The following ITPKB variants were observed in gnomAD, a reference collection of about 807,000 sequenced individuals.
ITPKB encodes inositol-trisphosphate 3-kinase B.
A neutral mutation model predicts 69.4 loss-of-function variants in ITPKB; 13 were observed. That is an observed-to-expected ratio of 0.19 (90% CI 0.12 to 0.30). The LOEUF (loss-of-function observed/expected upper bound fraction) is 0.30. Ranked by LOEUF, ITPKB falls within the 10% of genes least tolerant of loss-of-function variation. The pLI is 1.00. For missense variants in ITPKB, 1,240 were observed against 1,250.5 expected, an observed-to-expected ratio of 0.99 and a Z score of 0.13; for synonymous variants, 584 against 513.7, an observed-to-expected ratio of 1.14 and a Z score of -1.85.
intron 2 of ITPKB, among the ~76,000 whole-genome samples, chr1:226,728,093 TCTC>T (rs1460839679): frequency 6.6e-6 from 1 of 152,140 alleles, no homozygotes; most frequent in Non-Finnish European, 1.5e-5. Context: ...AAAAAAAACA[TCTC>T]CTCCCACTCC....
In ITPKB at chr1:226,642,272, C is replaced by T; in HGVS notation, c.2247-147G>A. The stretch of plus-strand genomic sequence containing the variant: ...GTGCCCTGAGTCAAGGCACGTCTTT[C>T]CGAGGGGACGGCAGACTCTGTTCCA... On this transcript the variant is annotated intron_variant, in intron 4 of 7. Transcript: ENST00000429204. The surrounding 1 kb of genome is among the most constrained non-coding windows in gnomAD (Gnocchi z 6.4). The T allele has an allele frequency of 1.6e-6, 1 of 631,780 alleles. No individual in the cohort carries two copies. The highest frequency in any genetic ancestry group is 2.7e-6 in the Non-Finnish European group (1 of 365,288). 39.1% of individuals were successfully genotyped at this position (631,780 alleles called of 1,614,324 possible).
At chr1:226,717,413 T>C (rs191085055) in intron 2 of ITPKB, among the ~76,000 whole-genome samples, 168 of 152,238 alleles carry the variant, frequency 1.1e-3, no homozygotes, top group Non-Finnish European at 3.5e-4. Context: ...ACCTTCAGCA[T>C]GACTATGTTG....
Position 226,738,569 on chromosome 1 carries a change from C to G in ITPKB, c.-206+472G>C, listed in dbSNP as rs979084227. Among the ~76,000 whole-genome samples, 12 of 152,206 alleles carry G rather than the reference C, an allele frequency of 7.9e-5. No individual in the cohort carries two copies. The highest frequency in any genetic ancestry group is 2.9e-4 in the African/African-American group (12 of 41,456). On this transcript the variant is annotated intron_variant, in intron 1 of 7. Coordinates refer to ENST00000429204, the MANE Select transcript of ITPKB (RefSeq NM_002221.4). This position sits in a 1 kb window ranked among gnomAD's most constrained non-coding sequence, Gnocchi z 4.2. The stretch of plus-strand genomic sequence containing the variant: ...GGACGCGACTGCCCCTGCGGGCTCC[C>G]GGACCCGCGCCCACTCGGAGGAACT...
At chr1:226,650,478 T>C (rs1387982218) in intron 2 of ITPKB, among the ~76,000 whole-genome samples, 1 of 152,218 alleles carries the variant, frequency 6.6e-6, no homozygotes. Context: ...AGCGGAGGCA[T>C]TTCTTATCTA....
intron 2 of ITPKB, among the ~76,000 whole-genome samples, chr1:226,701,511 G>A (rs946100719): frequency 3.5e-4 from 52 of 146,992 alleles, no homozygotes; most frequent in African/African-American, 1.2e-3. Context: ...GGCTGAGGCA[G>A]GAGAATGGCA....
intron 2 of ITPKB, among the ~76,000 whole-genome samples, chr1:226,649,889 A>T (rs1669153205): frequency 6.6e-6 from 1 of 152,226 alleles, no homozygotes. Flanking sequence ...AATATCCTTA[A>T]GTGAACTTTA....
At chr1:226,718,565 A>G (rs1571873130) in intron 2 of ITPKB, among the ~76,000 whole-genome samples, 1 of 152,144 alleles carries the variant, frequency 6.6e-6, no homozygotes, top group Non-Finnish European at 1.5e-5. Context: ...TGCCCCCTGC[A>G]CCCCAACCCG....
intron 2 of ITPKB, among the ~76,000 whole-genome samples, chr1:226,711,408 AGAGAG>A (rs1656949919): frequency 2.0e-4 from 15 of 75,484 alleles, no homozygotes; most frequent in Non-Finnish European, 3.2e-4. Flanking sequence ...GTTTTGAAAG[AGAGAG>A]AGAGAGAGAG....
intron 2 of ITPKB, among the ~76,000 whole-genome samples, chr1:226,691,941 C>G (rs1405045166): frequency 6.6e-6 from 1 of 152,198 alleles, no homozygotes; most frequent in African/African-American, 2.4e-5. Context: ...GTCTGTAGCA[C>G]TCTTTTTCCT....
chr1:226,667,790 G>T (rs932283493), intron 2 of ITPKB, among the ~76,000 whole-genome samples: 1 of 151,932 alleles, frequency 6.6e-6, no homozygotes, highest in African/African-American at 2.4e-5. Context: ...CATGGAAAAG[G>T]TGACATTTAA....
At chr1:226,711,847 G>A (rs1176454396) in intron 2 of ITPKB, among the ~76,000 whole-genome samples, 2 of 152,158 alleles carry the variant, frequency 1.3e-5, no homozygotes, top group Non-Finnish European at 2.9e-5. Context: ...GGGAAGATGA[G>A]GGGCTTCCCT....
At chr1:226,679,223 A>G (rs1656008346) in intron 2 of ITPKB, among the ~76,000 whole-genome samples, 1 of 152,254 alleles carries the variant, frequency 6.6e-6, no homozygotes, top group Non-Finnish European at 1.5e-5. Flanking sequence ...AAAATGTACC[A>G]AAATTCCAAA....
In ITPKB at chr1:226,738,838, A is replaced by C. The variant is rs1273763314; in HGVS notation, c.-206+203T>G. ...AGCGGCCCGGAAGGCGGGTAGGAGA[A>C]ATGCGGAGACCTCGTCTCTCCCTAT... On this transcript the variant is annotated intron_variant, in intron 1 of 7. Coordinates refer to ENST00000429204, the MANE Select transcript of ITPKB (RefSeq NM_002221.4). The surrounding 1 kb of genome is among the most constrained non-coding windows in gnomAD (Gnocchi z 4.2). 6.6e-6 allele frequency among the ~76,000 whole-genome samples: 1 copy of C among 152,076 alleles called. No homozygotes were observed. Among genetic ancestry groups the C allele is most frequent in the Non-Finnish European group, 1.5e-5 (1 of 67,998 alleles).
rs201125299 is a variant in ITPKB, at chr1:226,648,657, G to T, written c.2032+15C>A. ...TGAGCACCATGCTGGGAAAGTCTGG[G>T]AGAGCTGTGTCTACCTGCGTGTCCT... On this transcript the variant is annotated intron_variant, in intron 3 of 7. Coordinates refer to ENST00000429204, the MANE Select transcript of ITPKB (RefSeq NM_002221.4). 2 of 1,528,626 alleles carry T rather than the reference G, an allele frequency of 1.3e-6. No individual in the cohort carries two copies. The highest frequency in any genetic ancestry group is 2.7e-5 in the African/African-American group (2 of 73,360). The allele number at this position is 1,528,626 out of a possible 1,614,324, so 94.7% of individuals were successfully genotyped here.
At chr1:226,657,928 G>A (rs1051580605) in intron 2 of ITPKB, among the ~76,000 whole-genome samples, 1 of 152,146 alleles carries the variant, frequency 6.6e-6, no homozygotes, top group Non-Finnish European at 1.5e-5. Context: ...GATGGGGGAG[G>A]CCTGAACAAA....
chr1:226,702,247 A>C (rs1432804283), intron 2 of ITPKB, among the ~76,000 whole-genome samples: 1 of 152,038 alleles, frequency 6.6e-6, no homozygotes, highest in Admixed American at 6.5e-5. Context: ...AAATACAAAA[A>C]TTAGCCGGGT....
chr1:226,640,584 C>T (rs369611655), intron 5 of ITPKB, among the ~76,000 whole-genome samples: 1 of 152,180 alleles, frequency 6.6e-6, no homozygotes, highest in Non-Finnish European at 1.5e-5. Context: ...GACAGGCTGT[C>T]GGCTGTTCTG....
intron 2 of ITPKB, among the ~76,000 whole-genome samples, chr1:226,690,666 C>A (rs1656327977): frequency 6.6e-6 from 1 of 152,200 alleles, no homozygotes; most frequent in Non-Finnish European, 1.5e-5. Flanking sequence ...GAAGGACAGA[C>A]ACTCAGACAC....
chr1:226,714,609 A>T (rs1296492200), intron 2 of ITPKB, among the ~76,000 whole-genome samples: 1 of 152,232 alleles, frequency 6.6e-6, no homozygotes, highest in Non-Finnish European at 1.5e-5. Context: ...TTGTGCACAC[A>T]CATCCCTTTA....
Sources: allele counts gnomAD v4.1 joint callset (sites outside exome capture counted in the v4.1 genomes callset), GRCh38; gene constraint gnomAD v4.1.1; non-coding constraint Gnocchi (gnomAD v3.1); transcripts MANE v1.5; gene names NCBI Gene and HGNC (gene_info 2026-07-23, HGNC 2026-07-21).